The following CNTN4 variants were observed in gnomAD, a reference collection of about 807,000 sequenced individuals.
The protein encoded by CNTN4 is contactin-4.
CNTN4 carries 77 observed loss-of-function variants against 122.5 expected under a neutral mutation model. The ratio of observed to expected loss-of-function variants is 0.63; its 90% CI spans 0.52 to 0.76. The LOEUF (loss-of-function observed/expected upper bound fraction) is 0.76, where lower values mean the gene tolerates loss of function less well. Among genes scored for constraint, CNTN4 ranks in the 30% least tolerant of loss-of-function variants. The pLI is 0.00. For missense variants in CNTN4, 1,256 were observed against 1,259.1 expected (o/e 1.00, Z 0.04); for synonymous variants, 512 against 447.0 (o/e 1.15, Z -1.83).
chr3:2,851,533 T>G (rs2093550535), intron 7 of CNTN4, among the ~76,000 whole-genome samples: 1 of 151,808 alleles, frequency 6.6e-6, no homozygotes, highest in Non-Finnish European at 1.5e-5. Context: ...GGAAGGACTC[T>G]GTAGTGGAGT....
chr3:2,192,348 A>G (rs2037615149), intron 2 of CNTN4, among the ~76,000 whole-genome samples: 1 of 152,056 alleles, frequency 6.6e-6, no homozygotes, highest in South Asian at 2.1e-4. Flanking sequence ...TCCCACCAAC[A>G]GTGTAAAAGT....
In CNTN4 at chr3:2,480,413, G is replaced by A. The variant is rs546681452; in HGVS notation, c.-88-91003G>A. 2.5e-4 allele frequency among the ~76,000 whole-genome samples: 38 copies of A among 152,212 alleles called. 1 individual carries two copies. In the South Asian group the frequency reaches 7.1e-3, roughly 28 times the overall value. On this transcript the variant is annotated intron_variant, in intron 3 of 24. Transcript: ENST00000418658. ...CTGGATGTAATAAATAATTGTAACC[G>A]AGATGCAGGATATCATTGTTAACAT...
chr3:2,702,109 A>G lies in CNTN4; in HGVS notation c.56-34106A>G, dbSNP rs113865413. Among the ~76,000 whole-genome samples the G allele has an allele frequency of 8.2e-3, 1,245 of 152,306 alleles. 10 individuals carry two copies. The highest frequency in any genetic ancestry group is 0.013 in the Non-Finnish European group (911 of 68,024). On this transcript the variant is annotated intron_variant, in intron 4 of 24. Coordinates refer to ENST00000418658, the MANE Select transcript of CNTN4 (RefSeq NM_175607.3). The stretch of plus-strand genomic sequence containing the variant: ...AAGCTTTGTTGTTTTCTATCTCTGT[A>G]TTATTGCTCAGGATCCAAAATCAGA...
chr3:2,378,661 G>T (rs1426783417), intron 3 of CNTN4, among the ~76,000 whole-genome samples: 1 of 151,958 alleles, frequency 6.6e-6, no homozygotes, highest in Non-Finnish European at 1.5e-5. Context: ...TAATTAATTT[G>T]TGTCTCTCAT....
intron 4 of CNTN4, among the ~76,000 whole-genome samples, chr3:2,637,534 T>A (rs1325932282): frequency 6.6e-6 from 1 of 152,112 alleles, no homozygotes; most frequent in Non-Finnish European, 1.5e-5. Flanking sequence ...TTCTTCAGGT[T>A]GTGCAATACA....
intron 3 of CNTN4, among the ~76,000 whole-genome samples, chr3:2,347,169 A>G (rs1397466496): frequency 6.6e-6 from 1 of 152,162 alleles, no homozygotes; most frequent in Non-Finnish European, 1.5e-5. Flanking sequence ...CCCAAGTGTC[A>G]TGGATTAAAA....
At chr3:2,333,780 A>G (rs2043831796) in intron 2 of CNTN4, among the ~76,000 whole-genome samples, 1 of 152,176 alleles carries the variant, frequency 6.6e-6, no homozygotes, top group Non-Finnish European at 1.5e-5. Flanking sequence ...TAGTTTAATA[A>G]CCCTGATGTT....
chr3:2,110,584 G>A (rs1181689778), intron 2 of CNTN4: 2 of 152,128 alleles, frequency 1.3e-5, no homozygotes, highest in Admixed American at 6.5e-5. Context: ...ATAATCTTTC[G>A]CTTTGGTGAA....
chr3:3,043,629 A>C lies in CNTN4; in HGVS notation c.2736A>C (p.Ser912=), dbSNP rs770701875. 1.8e-5 allele frequency: 29 copies of C among 1,614,016 alleles called. No individual in the cohort carries two copies. The highest frequency in any genetic ancestry group is 2.2e-5 in the Non-Finnish European group (26 of 1,179,968). ...CCCCCGGAAACATCATATGGAATTC[A>C]TCAGACTCCAAAATTATCCTGAATT... ...SQPPGNIIWN[S]SDSKIILNWD... is the part of the protein sequence containing the mutation. Residue 912 remains serine (S), a synonymous_variant, in exon 23 of 25, where the codon TCA becomes TCC. Coordinates refer to ENST00000418658, the MANE Select transcript of CNTN4 (RefSeq NM_175607.3).
At chr3:2,552,032 A>G (rs34480628) in intron 3 of CNTN4, among the ~76,000 whole-genome samples, 16,806 of 152,180 alleles carry the variant, frequency 0.11, 1,017 homozygotes, top group African/African-American at 0.14. Flanking sequence ...ATTTGTCTTC[A>G]CTATCCACTC....
chr3:2,578,140 A>G (rs190726848), intron 4 of CNTN4, among the ~76,000 whole-genome samples: 2 of 152,276 alleles, frequency 1.3e-5, no homozygotes, highest in Admixed American at 1.3e-4. Flanking sequence ...AATCTATGAT[A>G]GACAAAAATA....
chr3:2,132,843 T>A (rs2034516160), intron 2 of CNTN4, among the ~76,000 whole-genome samples: 1 of 152,280 alleles, frequency 6.6e-6, no homozygotes, highest in Admixed American at 6.5e-5. Context: ...AGACTGTCCC[T>A]CTGTCCAGAA....
chr3:2,149,911 G>A (rs1292654911), intron 2 of CNTN4, among the ~76,000 whole-genome samples: 1 of 151,278 alleles, frequency 6.6e-6, no homozygotes, highest in Non-Finnish European at 1.5e-5. Flanking sequence ...CAAAAAGGTT[G>A]TCAGGCAGAC....
At chr3:2,670,910 T>C (rs954565804) in intron 4 of CNTN4, among the ~76,000 whole-genome samples, 1 of 152,224 alleles carries the variant, frequency 6.6e-6, no homozygotes, top group African/African-American at 2.4e-5. Context: ...TTAAGAATGT[T>C]GAATATTGGC....
At chr3:2,774,836 A>G (rs1398072482) in intron 6 of CNTN4, among the ~76,000 whole-genome samples, 1 of 152,232 alleles carries the variant, frequency 6.6e-6, no homozygotes, top group Non-Finnish European at 1.5e-5. Context: ...TGTATTAACC[A>G]TCAACAACAT....
At chr3:2,171,911 C>A (rs541533755) in intron 2 of CNTN4, among the ~76,000 whole-genome samples, 17 of 152,288 alleles carry the variant, frequency 1.1e-4, no homozygotes, top group South Asian at 2.1e-4. Context: ...GTCCTTGGAA[C>A]AGGAGCACCT....
At chr3:2,608,761 C>T (rs1408933447) in intron 4 of CNTN4, among the ~76,000 whole-genome samples, 1 of 152,204 alleles carries the variant, frequency 6.6e-6, no homozygotes. Flanking sequence ...CCTGGAATTA[C>T]AGGCATGAGC....
chr3:2,428,990 G>A (rs547293789), intron 3 of CNTN4, among the ~76,000 whole-genome samples: 3 of 152,198 alleles, frequency 2.0e-5, no homozygotes, highest in African/African-American at 7.2e-5. Flanking sequence ...TTTTTTCAAG[G>A]TTTTTAGCTT....
chr3:2,140,589 C>A (rs895511154), intron 2 of CNTN4, among the ~76,000 whole-genome samples: 3 of 152,098 alleles, frequency 2.0e-5, no homozygotes, highest in Non-Finnish European at 4.4e-5. Flanking sequence ...AGGGCGCTAA[C>A]CCCATTCATG....
Sources: gnomAD v4.1 joint callset for allele counts (sites outside exome capture counted in the v4.1 genomes callset) on GRCh38, gnomAD v4.1.1 for gene constraint, MANE v1.5 for transcripts, NCBI Gene and HGNC (gene_info 2026-07-23, HGNC 2026-07-21) for gene names.